MSMO1: variants seen among roughly 807,000 people sequenced by gnomAD.
MSMO1 encodes the protein methylsterol monooxygenase 1.
MSMO1 carries 18 observed loss-of-function variants against 30.4 expected under a neutral mutation model. That is an observed-to-expected ratio of 0.59 (90% confidence interval 0.41 to 0.88). MSMO1 has a LOEUF of 0.88. Among genes scored for constraint, MSMO1 ranks in the 40% least tolerant of loss-of-function variants. The pLI, the probability that MSMO1 is intolerant of heterozygous loss-of-function variation, is 0.00. For synonymous variants in MSMO1, 84 were observed against 107.9 expected, an observed-to-expected ratio of 0.78 and a Z score of 1.37; for missense variants, 284 against 340.5, an observed-to-expected ratio of 0.83 and a Z score of 1.31.
At chr4:165,338,602 A>G (rs2126626377) in intron 3 of MSMO1, 50 bp from the exon 4 acceptor site, 2 of 1,519,374 alleles carry the variant, frequency 1.3e-6, no homozygotes, top group Non-Finnish European at 1.8e-6. Flanking sequence ...AAGTCTGGAT[A>G]GTTTAAGTAA....
intron 5 of MSMO1, 67 bp downstream of exon 5, chr4:165,340,442 T>G: frequency 7.4e-7 from 1 of 1,346,152 alleles, no homozygotes; most frequent in South Asian, 1.2e-5. Context: ...GCCATAAGAT[T>G]ATCATATTTC....
chr4:165,336,050 A>G (rs1240521758), intron 2 of MSMO1, among the ~76,000 whole-genome samples: 1 of 152,172 alleles, frequency 6.6e-6, no homozygotes. Flanking sequence ...ATATGCAATA[A>G]ATGTTTTTAT....
Position 165,338,710 on chromosome 4 carries a change from T to C in MSMO1, c.463T>C (p.Phe155Leu), listed in dbSNP as rs1364304975. 2 of 1,604,090 alleles carry C rather than the reference T, an allele frequency of 1.2e-6. No homozygotes were observed. Among genetic ancestry groups the C allele is most frequent in the Admixed American group, 3.3e-5 (2 of 59,998 alleles). Residue 155 changes from phenylalanine (F) to leucine (L), a missense_variant, in exon 4 of 6, where the codon TTT (phenylalanine) becomes CTT (leucine). Coordinates refer to ENST00000261507, the MANE Select transcript of MSMO1 (RefSeq NM_006745.5). Reference sequence around the variant, plus strand: ...AGTCATTGAAGATACTTGGCACTATTTTCTGCATAGACTCTTACACCACAA... The same window carrying C: ...AGTCATTGAAGATACTTGGCACTATCTTCTGCATAGACTCTTACACCACAA... Reference protein sequence around the residue: ...CAVIEDTWHYFLHRLLHHKRI... With the variant: ...CAVIEDTWHYLLHRLLHHKRI...
At chr4:165,332,143 A>G (rs955584834) in intron 1 of MSMO1, among the ~76,000 whole-genome samples, 3 of 141,138 alleles carry the variant, frequency 2.1e-5, no homozygotes, top group Non-Finnish European at 4.7e-5. Context: ...TTTTCCCTTT[A>G]TCCATATGTA....
intron 1 of MSMO1, among the ~76,000 whole-genome samples, chr4:165,332,798 T>A: frequency 6.6e-6 from 1 of 152,254 alleles, no homozygotes; most frequent in East Asian, 1.9e-4. Flanking sequence ...CGTTCTTCTG[T>A]TGTCTTTTTA....
Position 165,342,047 on chromosome 4 carries a change from C to T in MSMO1, c.*101C>T. 1 of 998,744 alleles carries T rather than the reference C, an allele frequency of 1.0e-6. No homozygotes were observed. The highest frequency in any genetic ancestry group is 1.5e-6 in the Non-Finnish European group (1 of 655,896). 61.9% of individuals were successfully genotyped at this position (998,744 alleles called of 1,614,324 possible). A position where few individuals can be genotyped will look rare whatever the true frequency, so the allele number is the denominator to read the frequency against. On this transcript the variant is annotated 3_prime_UTR_variant, in exon 6 of 6. Transcript: ENST00000261507. ...GAGCAGAAATAAGCATGTCTTCTGG[C>T]TACTAAGTGATAAAAAGAACATTAA...
chr4:165,336,416 G>T (rs1438242091), intron 2 of MSMO1, among the ~76,000 whole-genome samples: 1 of 152,124 alleles, frequency 6.6e-6, no homozygotes, highest in Non-Finnish European at 1.5e-5. Flanking sequence ...GTATGAATTT[G>T]TATTGCTAAC....
In MSMO1 at chr4:165,334,982, G is replaced by T. The variant is rs559274946; in HGVS notation, c.255+1357G>T. Among the ~76,000 whole-genome samples, 4 of 151,774 alleles carry T rather than the reference G, an allele frequency of 2.6e-5. No individual in the cohort carries two copies. The East Asian group carries it at 7.7e-4, about 29-fold the overall frequency. ...AACATGTACAGTCTTTTTTTTCCTT[G>T]TCATTATTCAAAATGACAACTATTT... On this transcript the variant is annotated intron_variant, in intron 2 of 5. Coordinates refer to ENST00000261507, the MANE Select transcript of MSMO1 (RefSeq NM_006745.5).
At chr4:165,339,096 CTT>C (rs869192459) in intron 4 of MSMO1, among the ~76,000 whole-genome samples, 3 of 60,522 alleles carry the variant, frequency 5.0e-5, no homozygotes, top group African/African-American at 6.7e-5. Flanking sequence ...ATGAGCACTG[CTT>C]TTTTTTTTTT....
At chr4:165,341,345 T>C (rs577349213) in intron 5 of MSMO1, among the ~76,000 whole-genome samples, 162 of 152,330 alleles carry the variant, frequency 1.1e-3, no homozygotes, top group African/African-American at 3.8e-3. Flanking sequence ...TACTTGATAC[T>C]AATTTTATGT....
intron 3 of MSMO1, 71 bp downstream of exon 3, chr4:165,338,008 C>T (rs2126625328): frequency 7.1e-7 from 1 of 1,417,604 alleles, no homozygotes; most frequent in Non-Finnish European, 9.9e-7. Flanking sequence ...TAATGTTTAC[C>T]CGTTTTCTTA....
chr4:165,330,702 C>T (rs906125319), intron 1 of MSMO1, among the ~76,000 whole-genome samples: 3 of 152,086 alleles, frequency 2.0e-5, no homozygotes, highest in Non-Finnish European at 4.4e-5. Flanking sequence ...AGTTAAGCAA[C>T]CTTTTTTATT....
chr4:165,330,346 T>G (rs961442720), intron 1 of MSMO1, among the ~76,000 whole-genome samples: 8 of 152,260 alleles, frequency 5.3e-5, no homozygotes, highest in Admixed American at 2.0e-4. Flanking sequence ...ACACAGTTCT[T>G]GGCACAGAAA....
At chr4:165,327,888 G>A (rs1747281584) in intron 1 of MSMO1, 124 bp downstream of exon 1, 1 of 152,506 alleles carries the variant, frequency 6.6e-6, no homozygotes. Flanking sequence ...GCGGGACGCT[G>A]GCAGTGGTAC....
chr4:165,342,306 T>C lies in MSMO1; in HGVS notation c.*360T>C. On this transcript the variant is annotated 3_prime_UTR_variant, in exon 6 of 6. Transcript: ENST00000261507. The stretch of plus-strand genomic sequence containing the variant: ...TGGGTCTTTAAATCTTTTAGATATA[T>C]ACTGGTCATTTCAGAAAATTCTTCA... The C allele has an allele frequency of 5.6e-6, 1 of 179,634 alleles. No individual in the cohort carries two copies. The highest frequency in any genetic ancestry group is 1.2e-5 in the Non-Finnish European group (1 of 85,728). 11.1% of individuals were successfully genotyped at this position (179,634 alleles called of 1,614,324 possible).
At chr4:165,340,707 A>G (rs1476201633) in intron 5 of MSMO1, 2 of 312,834 alleles carry the variant, frequency 6.4e-6, no homozygotes, top group Admixed American at 9.4e-5. Flanking sequence ...AGACTTTCTA[A>G]TCTCTACTGT....
rs552839504 is a variant in MSMO1 at position 165,337,579 on chromosome 4, A to C, written c.256-210A>C. On this transcript the variant is annotated intron_variant, in intron 2 of 5. Coordinates refer to ENST00000261507, the MANE Select transcript of MSMO1 (RefSeq NM_006745.5). ...GTTTCTTAGTTTGTTTGAGATCATC[A>C]TGGCTAGGCGCATCTGTTAACAGTT... Among the ~76,000 whole-genome samples, 7 of 152,342 alleles carry C rather than the reference A, an allele frequency of 4.6e-5. No homozygotes were observed. In the East Asian group the frequency reaches 1.3e-3, roughly 29 times the overall value.
At chr4:165,335,554 A>G (rs1356027488) in intron 2 of MSMO1, among the ~76,000 whole-genome samples, 1 of 152,200 alleles carries the variant, frequency 6.6e-6, no homozygotes, top group Non-Finnish European at 1.5e-5. Flanking sequence ...ATTTATTTAT[A>G]GGGCTTATTC....
At chr4:165,331,140 AC>A (rs1182033083) in intron 1 of MSMO1, among the ~76,000 whole-genome samples, 2 of 151,898 alleles carry the variant, frequency 1.3e-5, no homozygotes, top group African/African-American at 4.8e-5. Flanking sequence ...CCCTGTCTCC[AC>A]AAAAAATTAA....
Sources: gnomAD v4.1 joint callset for allele counts (sites outside exome capture counted in the v4.1 genomes callset) on GRCh38, gnomAD v4.1.1 for gene constraint, MANE v1.5 for transcripts, NCBI Gene and HGNC (gene_info 2026-07-23, HGNC 2026-07-21) for gene names.